The following FAM193A variants were observed in gnomAD, a reference collection of about 807,000 sequenced individuals.
The protein encoded by FAM193A is family with sequence similarity 193 member A.
Under a neutral mutation model 126.5 loss-of-function variants are expected in FAM193A, and 22 were observed. The ratio of observed to expected loss-of-function variants is 0.17; its 90% CI spans 0.12 to 0.25. FAM193A has a LOEUF of 0.25. Among genes scored for constraint, FAM193A ranks in the 10% least tolerant of loss-of-function variants. The pLI is 1.00. For missense variants in FAM193A, 1,675 were observed against 1,672.8 expected (o/e 1.00, Z -0.02); for synonymous variants, 761 against 646.8 (o/e 1.18, Z -2.68).
intron 13 of FAM193A, among the ~76,000 whole-genome samples, chr4:2,678,098 A>G (rs71608224): frequency 0.033 from 4,944 of 151,990 alleles, 97 homozygotes; most frequent in South Asian, 0.071. Flanking sequence ...CCTGGTTTCA[A>G]ACGATTCTCC....
intron 1 of FAM193A, among the ~76,000 whole-genome samples, chr4:2,541,446 C>CTTTT (rs576194070): frequency 4.4e-5 from 6 of 137,864 alleles, no homozygotes; most frequent in Non-Finnish European, 7.8e-5. Flanking sequence ...TCATTGTGTA[C>CTTTT]TTTTTTTTTT....
intron 1 of FAM193A, among the ~76,000 whole-genome samples, chr4:2,562,435 C>T (rs933744071): frequency 6.6e-6 from 1 of 152,088 alleles, no homozygotes; most frequent in East Asian, 1.9e-4. Context: ...GGTGGCAAAG[C>T]GAGACCCTGC....
chr4:2,668,865 C>T (rs983778200), intron 12 of FAM193A, among the ~76,000 whole-genome samples: 15 of 150,842 alleles, frequency 9.9e-5, no homozygotes, highest in African/African-American at 3.7e-4. Flanking sequence ...TTTTTTGAGA[C>T]AGAGTCACAC....
chr4:2,649,976 C>T (rs185440089), intron 7 of FAM193A, among the ~76,000 whole-genome samples: 19 of 152,272 alleles, frequency 1.2e-4, no homozygotes, highest in Middle Eastern at 6.8e-3. Context: ...TTGTGAACTG[C>T]GTGTGCAAGG....
intron 1 of FAM193A, among the ~76,000 whole-genome samples, chr4:2,546,184 G>C (rs753951095): frequency 3.2e-4 from 48 of 151,404 alleles, no homozygotes; most frequent in Non-Finnish European, 5.9e-4. Flanking sequence ...TAAAGATGGG[G>C]TCCCACTGTG....
intron 20 of FAM193A, among the ~76,000 whole-genome samples, chr4:2,724,426 T>A (rs1046094738): frequency 6.6e-6 from 1 of 152,232 alleles, no homozygotes; most frequent in East Asian, 1.9e-4. Context: ...CTTTTTCTTA[T>A]GTATTTTATA....
intron 6 of FAM193A, among the ~76,000 whole-genome samples, chr4:2,641,671 A>T (rs1744641056): frequency 6.6e-6 from 1 of 152,082 alleles, no homozygotes; most frequent in Non-Finnish European, 1.5e-5. Context: ...AAATACAAAA[A>T]CAAACAAACA....
At chr4:2,616,104 C>G (rs1245563369) in intron 2 of FAM193A, among the ~76,000 whole-genome samples, 1 of 152,204 alleles carries the variant, frequency 6.6e-6, no homozygotes, top group Non-Finnish European at 1.5e-5. Flanking sequence ...CCGGCCGAAA[C>G]TTCTAAATGT....
intron 20 of FAM193A, among the ~76,000 whole-genome samples, chr4:2,718,147 A>T (rs1379257132): frequency 1.3e-5 from 2 of 152,180 alleles, no homozygotes; most frequent in African/African-American, 4.8e-5. Flanking sequence ...AGAACAATAG[A>T]ATAAACCAAA....
rs952888094 is a variant in FAM193A at position 2,690,921 on chromosome 4, G to A, written c.2754G>A (p.Gln918=). The A allele has an allele frequency of 1.9e-6, 3 of 1,614,086 alleles. No individual in the cohort carries two copies. In the African/African-American group the frequency reaches 4.0e-5, roughly 22 times the overall value. Reference sequence around the variant, plus strand: ...TGTCCTGCACAGCTACCACAGTGCAGTCCAGCAACAGCCAGTTCAGAGTGT... The same window carrying A: ...TGTCCTGCACAGCTACCACAGTGCAATCCAGCAACAGCCAGTTCAGAGTGT... The part of the protein sequence containing the change: ...SSVSCTATTV[Q]SSNSQFRVSS... Residue 918 remains glutamine (Q), a synonymous_variant, in exon 15 of 21, where the codon CAG becomes CAA. Coordinates refer to ENST00000637812, the MANE Select transcript of FAM193A (RefSeq NM_001366318.2).
intron 20 of FAM193A, among the ~76,000 whole-genome samples, chr4:2,724,920 G>A (rs1223615359): frequency 6.6e-6 from 1 of 152,112 alleles, no homozygotes; most frequent in Non-Finnish European, 1.5e-5. Flanking sequence ...TTGTCACCCA[G>A]ACTGGAGTGC....
intron 19 of FAM193A, chr4:2,708,344 A>G (rs978759445): frequency 2.4e-5 from 6 of 254,218 alleles, no homozygotes; most frequent in African/African-American, 9.5e-5. Context: ...AAGTTGGTCT[A>G]CAACTCCTGA....
intron 2 of FAM193A, among the ~76,000 whole-genome samples, 155 bp downstream of exon 2, chr4:2,596,484 G>C (rs559180527): frequency 3.9e-5 from 6 of 152,288 alleles, no homozygotes; most frequent in African/African-American, 1.2e-4. Context: ...CGTTCCTCCT[G>C]GTCTTCCCTG....
At position 2,650,786 on chromosome 4, in the gene FAM193A, G is replaced by T. The variant is rs111896207; in HGVS notation, c.1311+3954G>T. Among the ~76,000 whole-genome samples, 975 of 152,224 alleles carry T rather than the reference G, an allele frequency of 6.4e-3. 13 individuals carry two copies. The highest frequency in any genetic ancestry group is 0.022 in the African/African-American group (923 of 41,550). On this transcript the variant is annotated intron_variant, in intron 7 of 20. Transcript: ENST00000637812. ...ACCCTGCCTACCTTTACCAAGGACCGCATAAAAAAAGAGGAGCCCCAAGCA... is the reference window on the plus strand; with the variant it reads ...ACCCTGCCTACCTTTACCAAGGACCTCATAAAAAAAGAGGAGCCCCAAGCA...
chr4:2,710,918 C>G (rs958277393), intron 19 of FAM193A, among the ~76,000 whole-genome samples: 1 of 137,740 alleles, frequency 7.3e-6, no homozygotes, highest in Non-Finnish European at 1.5e-5. Context: ...GTGGTGTGAT[C>G]TTGGCTCACT....
chr4:2,601,379 C>T (rs1462042116), intron 2 of FAM193A, among the ~76,000 whole-genome samples: 11 of 151,550 alleles, frequency 7.3e-5, no homozygotes, highest in African/African-American at 1.9e-4. Context: ...ACTGTAGGCG[C>T]GTACCACCAC....
intron 1 of FAM193A, among the ~76,000 whole-genome samples, chr4:2,589,474 A>T (rs1410504861): frequency 6.6e-6 from 1 of 152,228 alleles, no homozygotes; most frequent in East Asian, 1.9e-4. Context: ...ATTTAAAAGG[A>T]TGCTGTAATA....
Position 2,656,996 on chromosome 4 carries a change from G to A in FAM193A, c.1312-807G>A, listed in dbSNP as rs186599799. Among the ~76,000 whole-genome samples the A allele has an allele frequency of 2.4e-3, 370 of 152,214 alleles. 2 individuals are homozygous for A. The highest frequency in any genetic ancestry group is 8.4e-3 in the African/African-American group (349 of 41,542). ...AGCCTGGCCAACATGGTGAAACACCGTCTCTAGTAAAAATAGAAAAATGAG... is the reference window on the plus strand; with the variant it reads ...AGCCTGGCCAACATGGTGAAACACCATCTCTAGTAAAAATAGAAAAATGAG... On this transcript the variant is annotated intron_variant, in intron 7 of 20. Transcript: ENST00000637812.
chr4:2,578,289 AT>A (rs952782704), intron 1 of FAM193A, among the ~76,000 whole-genome samples: 4 of 151,594 alleles, frequency 2.6e-5, no homozygotes, highest in South Asian at 2.1e-4. Flanking sequence ...CTACCCGTGC[AT>A]TTTTTTTGCA....
Sources: gnomAD v4.1 joint callset for allele counts (sites outside exome capture counted in the v4.1 genomes callset) on GRCh38, gnomAD v4.1.1 for gene constraint, MANE v1.5 for transcripts, NCBI Gene and HGNC (gene_info 2026-07-23, HGNC 2026-07-21) for gene names.